Variants in CBFA2T3 observed in about 807,000 individuals in gnomAD.
The protein encoded by CBFA2T3 is transcriptional corepressor CBFA2T3.
Under a neutral mutation model 58.6 loss-of-function variants are expected in CBFA2T3, and 31 were observed. The ratio of observed to expected loss-of-function variants is 0.53; its 90% confidence interval spans 0.40 to 0.71. The LOEUF (loss-of-function observed/expected upper bound fraction) is 0.71, where lower values mean the gene tolerates loss of function less well. Ranked by LOEUF, CBFA2T3 falls within the 30% of genes least tolerant of loss-of-function variation. CBFA2T3 has a pLI of 0.00. For missense variants in CBFA2T3, 1,076 were observed against 963.1 expected, an observed-to-expected ratio of 1.12 and a Z score of -1.55; for synonymous variants, 531 against 421.9, an observed-to-expected ratio of 1.26 and a Z score of -3.17.
At chr16:88,905,847 T>C (rs1970306950) in intron 1 of CBFA2T3, among the ~76,000 whole-genome samples, 1 of 150,994 alleles carries the variant, frequency 6.6e-6, no homozygotes, top group African/African-American at 2.5e-5. Context: ...AGGTGCTTTC[T>C]GCAGACATGG....
At chr16:88,896,526 C>T (rs1488857472) in intron 3 of CBFA2T3, among the ~76,000 whole-genome samples, 1 of 152,190 alleles carries the variant, frequency 6.6e-6, no homozygotes, top group African/African-American at 2.4e-5. Context: ...GTCCGGAGGA[C>T]CCCACCGCGC....
chr16:88,968,576 G>A (rs893304750), intron 1 of CBFA2T3, among the ~76,000 whole-genome samples: 9 of 152,228 alleles, frequency 5.9e-5, no homozygotes, highest in Non-Finnish European at 8.8e-5. Flanking sequence ...TTTAGAACAC[G>A]TGGTCCCAAC....
intron 1 of CBFA2T3, 116 bp downstream of exon 1, chr16:88,976,541 G>C (rs112705499): frequency 1.7e-5 from 13 of 757,782 alleles, no homozygotes; most frequent in Non-Finnish European, 2.6e-5. Context: ...ACGGCCATCC[G>C]TGCCGGCACT....
chr16:88,950,475 C>G (rs1175709978), intron 1 of CBFA2T3: 1 of 413,282 alleles, frequency 2.4e-6, no homozygotes, highest in Non-Finnish European at 4.8e-6. Flanking sequence ...CACCCCTCCC[C>G]CGGACCGGCA....
At chr16:88,937,729 C>T (rs1394746314) in intron 1 of CBFA2T3, 1 of 152,302 alleles carries the variant, frequency 6.6e-6, no homozygotes, top group Non-Finnish European at 1.5e-5. Flanking sequence ...CTGCATGTGA[C>T]TCTGCCCCCG....
rs527642859 is a variant in CBFA2T3 at position 88,903,455 on chromosome 16, C to T, written c.152-1799G>A. Among the ~76,000 whole-genome samples, 58 of 152,308 alleles carry T rather than the reference C, an allele frequency of 3.8e-4. 1 individual carries two copies. The highest frequency in any genetic ancestry group is 1.3e-3 in the African/African-American group (55 of 41,572). On this transcript the variant is annotated intron_variant, in intron 1 of 11. Transcript: ENST00000268679. Reference sequence around the variant, plus strand: ...GCCTCGCGGCACCTGCTGTCCCCTCCGCACAGCCGCTGACCTCCCTCGCAC... The same window carrying T: ...GCCTCGCGGCACCTGCTGTCCCCTCTGCACAGCCGCTGACCTCCCTCGCAC...
chr16:88,915,961 G>A (rs898396953), intron 1 of CBFA2T3, among the ~76,000 whole-genome samples: 1 of 152,078 alleles, frequency 6.6e-6, no homozygotes, highest in Non-Finnish European at 1.5e-5. Context: ...AGTGTACGTG[G>A]GTGCATGGGT....
At chr16:88,956,436 C>G (rs998599105) in intron 1 of CBFA2T3, among the ~76,000 whole-genome samples, 5 of 152,254 alleles carry the variant, frequency 3.3e-5, no homozygotes, top group Non-Finnish European at 5.9e-5. Flanking sequence ...ACCCTGCTCC[C>G]CCAGGCTCAG....
chr16:88,912,457 C>T (rs985129995), intron 1 of CBFA2T3, among the ~76,000 whole-genome samples: 2 of 152,210 alleles, frequency 1.3e-5, no homozygotes, highest in African/African-American at 2.4e-5. Context: ...ATACTTCCCT[C>T]GATCTCTGCA....
chr16:88,963,338 C>CTT (rs36069741), intron 1 of CBFA2T3, among the ~76,000 whole-genome samples: 1 of 135,894 alleles, frequency 7.4e-6, no homozygotes, highest in African/African-American at 3.0e-5. Flanking sequence ...TTCTGCCAGG[C>CTT]TTTTTTTTTT....
At chr16:88,901,106 G>C (rs552321612) in intron 2 of CBFA2T3, among the ~76,000 whole-genome samples, 1 of 152,242 alleles carries the variant, frequency 6.6e-6, no homozygotes, top group Non-Finnish European at 1.5e-5. Flanking sequence ...GACCCCATCC[G>C]AGTTCCACGT....
At position 88,876,616 on chromosome 16, in the gene CBFA2T3, G is replaced by C. The variant is rs528797409; in HGVS notation, c.*360C>G. 51 of 294,828 alleles carry C rather than the reference G, an allele frequency of 1.7e-4. No individual in the cohort carries two copies. Among genetic ancestry groups the C allele is most frequent in the Admixed American group, 2.6e-4 (5 of 19,272 alleles). 18.3% of individuals were successfully genotyped at this position (294,828 alleles called of 1,614,324 possible). A position where few individuals can be genotyped will look rare whatever the true frequency, so the allele number is the denominator to read the frequency against. On this transcript the variant is annotated 3_prime_UTR_variant, in exon 12 of 12. Transcript: ENST00000268679. ...GAGAGAGAGGATAGAGAAGACAGAGGGGGAGAGACAGACAGAGAGGAAAAG... is the reference window on the plus strand; with the variant it reads ...GAGAGAGAGGATAGAGAAGACAGAGCGGGAGAGACAGACAGAGAGGAAAAG...
intron 11 of CBFA2T3, 61 bp downstream of exon 11, chr16:88,879,209 G>A: frequency 1.4e-6 from 2 of 1,408,226 alleles, no homozygotes; most frequent in Non-Finnish European, 1.9e-6. Flanking sequence ...CATGGGGGTG[G>A]CGTGGGACCG....
Position 88,958,597 on chromosome 16 carries a change from G to A in CBFA2T3, c.151+18060C>T, listed in dbSNP as rs1972289252. Among the ~76,000 whole-genome samples the A allele has an allele frequency of 6.6e-6, 1 of 152,168 alleles. No individual in the cohort carries two copies. The highest frequency in any genetic ancestry group is 1.5e-5 in the Non-Finnish European group (1 of 68,018). On this transcript the variant is annotated intron_variant, in intron 1 of 11. Coordinates refer to ENST00000268679, the MANE Select transcript of CBFA2T3 (RefSeq NM_005187.6). This position sits in a 1 kb window ranked among gnomAD's most constrained non-coding sequence, Gnocchi z 4.0. ...TTCCTATTTCTCAGATGGGGAGACT[G>A]AGGCCTGGGTGGGGGCAGGTGGAGA...
intron 1 of CBFA2T3, among the ~76,000 whole-genome samples, chr16:88,961,796 A>C (rs113489730): frequency 1.9e-5 from 2 of 104,364 alleles, no homozygotes; most frequent in African/African-American, 3.7e-5. Flanking sequence ...AGTAACCGAC[A>C]CTCAGCGCTG....
chr16:88,942,120 C>T (rs1220139842), intron 1 of CBFA2T3, among the ~76,000 whole-genome samples: 1 of 152,188 alleles, frequency 6.6e-6, no homozygotes, highest in Admixed American at 6.5e-5. Context: ...TCATGTCCAC[C>T]TGCAGAAACG....
chr16:88,904,399 C>T (rs565865247), intron 1 of CBFA2T3, among the ~76,000 whole-genome samples: 10 of 152,268 alleles, frequency 6.6e-5, no homozygotes, highest in Middle Eastern at 3.4e-3. Context: ...AAGTCATCTA[C>T]CCAAGGTCAC....
At chr16:88,928,432 G>A (rs1971157405) in intron 1 of CBFA2T3, among the ~76,000 whole-genome samples, 3 of 152,204 alleles carry the variant, frequency 2.0e-5, no homozygotes, top group African/African-American at 2.4e-5. Context: ...CCACACAGGC[G>A]AGACCCATGA....
intron 1 of CBFA2T3, among the ~76,000 whole-genome samples, chr16:88,962,450 T>C (rs1029667895): frequency 3.9e-4 from 60 of 152,360 alleles, no homozygotes; most frequent in African/African-American, 1.4e-3. Flanking sequence ...GTCACTGTCC[T>C]GTGGGGGACG....
Sources: allele counts gnomAD v4.1 joint callset (sites outside exome capture counted in the v4.1 genomes callset), GRCh38; gene constraint gnomAD v4.1.1; non-coding constraint Gnocchi (gnomAD v3.1); transcripts MANE v1.5; gene names NCBI Gene and HGNC (gene_info 2026-07-23, HGNC 2026-07-21).